LIN9: variants seen among roughly 807,000 people sequenced by gnomAD.
LIN9 encodes the protein protein lin-9 homolog.
A neutral mutation model predicts 78.0 loss-of-function variants in LIN9; 18 were observed. The observed-to-expected ratio is 0.23, with a 90% CI of 0.16 to 0.34. The LOEUF (loss-of-function observed/expected upper bound fraction) is 0.34, where lower values mean the gene tolerates loss of function less well. Ranked by LOEUF, LIN9 falls within the 10% of genes least tolerant of loss-of-function variation. The probability of loss-of-function intolerance (pLI) is 1.00; values close to 1 mark genes in which losing one functional copy is unlikely to be tolerated. For missense variants in LIN9, 451 were observed against 644.1 expected (o/e 0.70, Z 3.25); for synonymous variants, 192 against 215.2 (o/e 0.89, Z 0.94).
intron 10 of LIN9, among the ~76,000 whole-genome samples, chr1:226,263,202 G>A (rs147664690): frequency 6.6e-6 from 1 of 152,220 alleles, no homozygotes; most frequent in Non-Finnish European, 1.5e-5. Flanking sequence ...ATACATAATG[G>A]TGGATACATG....
At chr1:226,272,099 A>T (rs1660317609) in intron 7 of LIN9, among the ~76,000 whole-genome samples, 2 of 148,550 alleles carry the variant, frequency 1.3e-5, no homozygotes, top group South Asian at 2.1e-4. Context: ...CACAGACTAG[A>T]GTGCAGAGTA....
intron 7 of LIN9, among the ~76,000 whole-genome samples, chr1:226,275,284 T>A (rs1430182333): frequency 6.6e-6 from 1 of 152,232 alleles, no homozygotes; most frequent in African/African-American, 2.4e-5. Context: ...ATATAAAAAG[T>A]ATTCTTAGCT....
chr1:226,243,033 G>A (rs922631447), intron 11 of LIN9, among the ~76,000 whole-genome samples: 4 of 152,202 alleles, frequency 2.6e-5, no homozygotes, highest in Non-Finnish European at 5.9e-5. Context: ...GCTATTAGTA[G>A]TTAAGTTTTA....
intron 11 of LIN9, among the ~76,000 whole-genome samples, chr1:226,247,900 G>A (rs183511651): frequency 9.1e-4 from 138 of 152,030 alleles, no homozygotes; most frequent in South Asian, 3.3e-3. Context: ...TCTTGAACTC[G>A]TGACCTCAAG....
intron 7 of LIN9, among the ~76,000 whole-genome samples, chr1:226,275,550 G>A (rs1660591499): frequency 1.3e-5 from 2 of 151,638 alleles, no homozygotes; most frequent in Non-Finnish European, 1.5e-5. Context: ...AAAATATGTC[G>A]GGTGTGGTGG....
chr1:226,250,483 A>G (rs938299973), intron 11 of LIN9, among the ~76,000 whole-genome samples: 15 of 152,222 alleles, frequency 9.9e-5, no homozygotes, highest in Admixed American at 6.5e-4. Context: ...CAATTTACTT[A>G]GCATATGTTC....
intron 10 of LIN9, among the ~76,000 whole-genome samples, chr1:226,255,219 C>T (rs1231223233): frequency 2.0e-5 from 3 of 152,120 alleles, no homozygotes; most frequent in Non-Finnish European, 4.4e-5. Flanking sequence ...GTGAATACTG[C>T]AGAAATACTC....
At position 226,250,839 on chromosome 1, in the gene LIN9, C is replaced by T; in HGVS notation, c.1119G>A (p.Leu373=). The T allele has an allele frequency of 1.4e-6, 2 of 1,459,818 alleles. No individual in the cohort carries two copies. Among genetic ancestry groups the T allele is most frequent in the African/African-American group, 1.4e-5 (1 of 70,918 alleles). The allele number at this position is 1,459,818 out of a possible 1,614,324, so 90.4% of individuals were successfully genotyped here. A position where few individuals can be genotyped will look rare whatever the true frequency, so the allele number is the denominator to read the frequency against. ...LREMNTEAEK[L]KSYSMPISIE... Reference sequence around the variant, plus strand: ...AAGAAAAAAAAAGAGAAATTCTTACCAATTTTTCTGCTTCTGTGTTCATTT... The same window carrying T: ...AAGAAAAAAAAAGAGAAATTCTTACTAATTTTTCTGCTTCTGTGTTCATTT... The change falls in exon 11 of 15, where the codon TTG becomes TTA. Residue 373 remains leucine, a splice_region_variant and synonymous_variant. Transcript: ENST00000681046.
intron 10 of LIN9, among the ~76,000 whole-genome samples, chr1:226,260,625 TGA>T (rs1238267775): frequency 1.6e-5 from 2 of 127,426 alleles, no homozygotes; most frequent in African/African-American, 2.9e-5. Flanking sequence ...CACGGCCAAA[TGA>T]GTTTTTTTTT....
upstream of LIN9, chr1:226,309,589 T>G (rs1200207758): frequency 8.2e-7 from 1 of 1,224,702 alleles, no homozygotes; most frequent in African/African-American, 1.6e-5. Context: ...CTGGGTCGCA[T>G]TGCCCGAGGG....
chr1:226,238,604 G>A (rs1657894311), intron 12 of LIN9, among the ~76,000 whole-genome samples: 1 of 151,696 alleles, frequency 6.6e-6, no homozygotes, highest in African/African-American at 2.4e-5. Flanking sequence ...CTCCAGCCTG[G>A]TCAACAGAGC....
At chr1:226,301,321 G>C in intron 1 of LIN9, 116 bp from the exon 2 acceptor site, 1 of 686,136 alleles carries the variant, frequency 1.5e-6, no homozygotes, top group East Asian at 2.6e-5. Context: ...AGTTTGAAGA[G>C]ATGGTGGAAT....
intron 5 of LIN9, 30 bp from the exon 6 acceptor site, chr1:226,286,488 T>C (rs1661386499): frequency 6.7e-7 from 1 of 1,500,468 alleles, no homozygotes; most frequent in African/African-American, 1.4e-5. Context: ...TTTTAATGGT[T>C]ACATACAATG....
At chr1:226,288,732 T>G (rs758661125) in intron 4 of LIN9, among the ~76,000 whole-genome samples, 20 of 48,940 alleles carry the variant, frequency 4.1e-4, no homozygotes, top group Non-Finnish European at 6.9e-4. Context: ...CATGCAAGAC[T>G]GATATGGAAA....
At chr1:226,277,621 G>C (rs1176963531) in intron 7 of LIN9, among the ~76,000 whole-genome samples, 154 bp downstream of exon 7, 1 of 152,224 alleles carries the variant, frequency 6.6e-6, no homozygotes, top group Non-Finnish European at 1.5e-5. Context: ...CTCAGAGAGA[G>C]TTGAGGGATA....
intron 6 of LIN9, among the ~76,000 whole-genome samples, chr1:226,279,254 C>T (rs1272936217): frequency 6.6e-6 from 1 of 151,932 alleles, no homozygotes; most frequent in Non-Finnish European, 1.5e-5. Flanking sequence ...ATTGCTTGAG[C>T]CCAGGAGTCT....
intron 7 of LIN9, among the ~76,000 whole-genome samples, chr1:226,272,381 CTTTT>C (rs570128823): frequency 2.5e-4 from 32 of 125,950 alleles, no homozygotes; most frequent in African/African-American, 3.5e-4. Context: ...ATTGAAGTGG[CTTTT>C]TTTTTTTTTT....
At chr1:226,232,817 G>T in intron 14 of LIN9, 1 of 500,694 alleles carries the variant, frequency 2.0e-6, no homozygotes, top group Non-Finnish European at 3.5e-6. Flanking sequence ...GGGCTGGAAG[G>T]AGAAGATGAG....
Position 226,280,352 on chromosome 1 carries a change from T to C in LIN9, c.525-2420A>G, listed in dbSNP as rs181702515. On this transcript the variant is annotated intron_variant, in intron 6 of 14. Coordinates refer to ENST00000681046, the MANE Select transcript of LIN9 (RefSeq NM_001366245.2). ...GGACTGGAAATACACAGAAAGAGCT[T>C]AGCTGATAATAATGATTTTTTTGTA... 4.9e-4 allele frequency among the ~76,000 whole-genome samples: 74 copies of C among 152,296 alleles called. 1 individual carries two copies. The highest frequency in any genetic ancestry group is 1.6e-3 in the African/African-American group (68 of 41,570).
Sources: gnomAD v4.1 joint callset for allele counts (sites outside exome capture counted in the v4.1 genomes callset) on GRCh38, gnomAD v4.1.1 for gene constraint, MANE v1.5 for transcripts, NCBI Gene and HGNC (gene_info 2026-07-23, HGNC 2026-07-21) for gene names.